The following ARHGAP29 variants were observed in gnomAD, a reference collection of about 807,000 sequenced individuals.
ARHGAP29 encodes rho GTPase-activating protein 29.
A neutral mutation model predicts 122.6 loss-of-function variants in ARHGAP29; 43 were observed. The ratio of observed to expected loss-of-function variants is 0.35; its 90% CI spans 0.27 to 0.45. The LOEUF is 0.45. ARHGAP29 is among the 20% of genes least tolerant of loss of function. ARHGAP29 has a pLI of 1.00. For missense variants in ARHGAP29, 1,303 were observed against 1,477.2 expected (o/e 0.88, Z 1.93); for synonymous variants, 506 against 497.1 (o/e 1.02, Z -0.24).
intron 14 of ARHGAP29, 127 bp from the exon 15 acceptor site, chr1:94,189,068 G>C (rs1649978561): frequency 1.5e-6 from 2 of 1,325,804 alleles, no homozygotes; most frequent in Non-Finnish European, 2.1e-6. Flanking sequence ...GTTAAGACAG[G>C]CACCATGGTA....
chr1:94,224,356 T>C (rs942665809), intron 2 of ARHGAP29, among the ~76,000 whole-genome samples: 1 of 152,178 alleles, frequency 6.6e-6, no homozygotes, highest in Non-Finnish European at 1.5e-5. Context: ...AATCTTCAGG[T>C]ATTAATATAC....
intron 1 of ARHGAP29, among the ~76,000 whole-genome samples, chr1:94,272,264 C>T (rs2077424): frequency 0.32 from 49,102 of 152,036 alleles, 8,495 homozygotes; most frequent in South Asian, 0.41. Flanking sequence ...AGACTAACTG[C>T]GGAGATGGGA....
Position 94,205,819 on chromosome 1 carries a change from A to G in ARHGAP29, c.511-136T>C, listed in dbSNP as rs1570536820. ...CAAGTATTTAAAACTTAAAGGCCTT[A>G]GAAGTCTGTTTAAGTGCCAGAACAC... On this transcript the variant is annotated intron_variant, in intron 5 of 22. Coordinates refer to ENST00000260526, the MANE Select transcript of ARHGAP29 (RefSeq NM_004815.4). The G allele has an allele frequency of 7.0e-6, 5 of 710,774 alleles. No individual in the cohort carries two copies. The East Asian group carries it at 1.3e-4, about 19-fold the overall frequency. The allele number at this position is 710,774 out of a possible 1,614,324, so 44.0% of individuals were successfully genotyped here.
chr1:94,304,121 T>C, the ARHGAP29 span, among the ~76,000 whole-genome samples: 2 of 152,198 alleles, frequency 1.3e-5, no homozygotes, highest in Non-Finnish European at 2.9e-5. Flanking sequence ...TGGAACACTG[T>C]TGAAACTCTA....
intron 12 of ARHGAP29, chr1:94,196,079 A>G (rs34504945): frequency 3.3e-5 from 5 of 152,148 alleles, no homozygotes; most frequent in Non-Finnish European, 5.9e-5. Context: ...TAGCAAAGGT[A>G]AATCATCAAG....
At chr1:94,183,909 T>C (rs559698674) in intron 19 of ARHGAP29, among the ~76,000 whole-genome samples, 25 of 152,244 alleles carry the variant, frequency 1.6e-4, no homozygotes, top group African/African-American at 5.8e-4. Flanking sequence ...ATGGGGGTTT[T>C]TTATAAGGTA....
chr1:94,183,279 A>G (rs1028228905), intron 19 of ARHGAP29, among the ~76,000 whole-genome samples: 1 of 152,150 alleles, frequency 6.6e-6, no homozygotes, highest in Non-Finnish European at 1.5e-5. Context: ...TATCATCACT[A>G]TTCTCTCTGA....
chr1:94,266,325 C>T (rs1245458337), intron 1 of ARHGAP29, among the ~76,000 whole-genome samples: 1 of 152,196 alleles, frequency 6.6e-6, no homozygotes, highest in East Asian at 1.9e-4. Flanking sequence ...TACAAAAAGA[C>T]TAGAAACTCC....
At position 94,237,553 on chromosome 1, in the gene ARHGAP29, C is replaced by T; in HGVS notation, c.-171G>A. 3.0e-6 allele frequency: 3 copies of T among 991,288 alleles called. No individual in the cohort carries two copies. Among genetic ancestry groups the T allele is most frequent in the Non-Finnish European group, 2.4e-6 (2 of 834,256 alleles). The allele number at this position is 991,288 out of a possible 1,614,324, so 61.4% of individuals were successfully genotyped here. ...GGCCAAATCTCAGCCGCAGCCGCAG[C>T]CGCAGCCACAGCCACAGGCACCACC... On this transcript the variant is annotated 5_prime_UTR_variant, in exon 1 of 23. Transcript: ENST00000260526.
Position 94,247,392 on chromosome 1 carries a change from G to T in ARHGAP29, c.-32-15749C>A, listed in dbSNP as rs560961939. On this transcript the variant is annotated intron_variant and NMD_transcript_variant, in intron 1 of 25. Transcript: ENST00000552844. ...CTCAGAGCGCGCACCCGGGGTCCGC[G>T]GCGTACCGGCAGCGCCCGCCCGCGT... is the stretch of plus-strand genomic sequence containing the variant. 4.1e-3 allele frequency among the ~76,000 whole-genome samples: 629 copies of T among 151,990 alleles called. 2 individuals carry two copies. Among genetic ancestry groups the T allele is most frequent in the African/African-American group, 0.015 (603 of 41,500 alleles).
chr1:94,290,939 C>T, the ARHGAP29 span, among the ~76,000 whole-genome samples: 2 of 152,092 alleles, frequency 1.3e-5, no homozygotes, highest in Non-Finnish European at 2.9e-5. Context: ...CTATTAGGTC[C>T]ACTTGGTCCA....
rs1648543837 is a variant in ARHGAP29 at position 94,168,955 on chromosome 1, T to C, written c.*4914A>G. Among the ~76,000 whole-genome samples the C allele has an allele frequency of 6.6e-6, 1 of 152,214 alleles. No individual in the cohort carries two copies. The highest frequency in any genetic ancestry group is 1.5e-5 in the Non-Finnish European group (1 of 68,038). ...TTTTCTGAACTGCATGCTTATTTTA[T>C]GGATGCAGAGTAGATTGGTTGAGTG... On this transcript the variant is annotated 3_prime_UTR_variant, in exon 23 of 23. Coordinates refer to ENST00000260526, the MANE Select transcript of ARHGAP29 (RefSeq NM_004815.4).
chr1:94,293,050 A>G, the ARHGAP29 span, among the ~76,000 whole-genome samples: 1 of 152,212 alleles, frequency 6.6e-6, no homozygotes, highest in Non-Finnish European at 1.5e-5. Context: ...TTGTTCAGAT[A>G]TGCCCTGCCC....
chr1:94,308,724 T>C, the ARHGAP29 span, among the ~76,000 whole-genome samples: 2 of 152,186 alleles, frequency 1.3e-5, no homozygotes, highest in Admixed American at 1.3e-4. Context: ...TGACATGGCC[T>C]TGTCTCCTCC....
the ARHGAP29 span, among the ~76,000 whole-genome samples, chr1:94,311,714 CT>C: frequency 6.6e-6 from 1 of 152,170 alleles, no homozygotes; most frequent in Admixed American, 6.5e-5. Context: ...TTCTCAAGCC[CT>C]CTTGCTTTTA....
At chr1:94,204,722 TTCTC>T (rs112808101) in intron 7 of ARHGAP29, among the ~76,000 whole-genome samples, 1 of 152,164 alleles carries the variant, frequency 6.6e-6, no homozygotes, top group African/African-American at 2.4e-5. Flanking sequence ...AAAATGTTTC[TTCTC>T]TGTTTCCATT....
At chr1:94,228,976 TAAC>T (rs1438076158) in intron 2 of ARHGAP29, among the ~76,000 whole-genome samples, 1 of 151,828 alleles carries the variant, frequency 6.6e-6, no homozygotes, top group African/African-American at 2.4e-5. Flanking sequence ...CTTTTTAGCT[TAAC>T]AAACGTGAAT....
rs953682899 is a variant in ARHGAP29 at position 94,220,123 on chromosome 1, G to A, written c.340+135C>T. The A allele has an allele frequency of 4.3e-5, 42 of 976,270 alleles. 1 individual carries two copies. Among genetic ancestry groups the A allele is most frequent in the Middle Eastern group, 2.1e-4 (1 of 4,722 alleles). 60.5% of individuals were successfully genotyped at this position (976,270 alleles called of 1,614,324 possible). A position where few individuals can be genotyped will look rare whatever the true frequency, so the allele number is the denominator to read the frequency against. On this transcript the variant is annotated intron_variant, in intron 3 of 22. Coordinates refer to ENST00000260526, the MANE Select transcript of ARHGAP29 (RefSeq NM_004815.4). ...TTAGTGGGAATATTTCAATATCAAA[G>A]TATATATAACTCCTTATTAACATAC...
chr1:94,177,450 A>G (rs1649164095), intron 22 of ARHGAP29, 162 bp downstream of exon 22: 1 of 488,472 alleles, frequency 2.0e-6, no homozygotes, highest in African/African-American at 2.0e-5. Context: ...TAAATGCAAG[A>G]TACACTAAAA....
Sources: gnomAD v4.1 joint callset for allele counts (sites outside exome capture counted in the v4.1 genomes callset) on GRCh38, gnomAD v4.1.1 for gene constraint, MANE v1.5 for transcripts, NCBI Gene and HGNC (gene_info 2026-07-23, HGNC 2026-07-21) for gene names.